Variants in BRWD1 observed in about 807,000 individuals in gnomAD.
The protein encoded by BRWD1 is bromodomain and WD repeat domain containing 1.
A neutral mutation model predicts 251.2 loss-of-function variants in BRWD1; 82 were observed. The observed-to-expected ratio is 0.33, with a 90% CI of 0.27 to 0.39. BRWD1 has a LOEUF of 0.39. Among genes scored for constraint, BRWD1 ranks in the 10% least tolerant of loss-of-function variants. BRWD1 has a pLI of 1.00. For synonymous variants in BRWD1, 918 were observed against 902.8 expected, an observed-to-expected ratio of 1.02 and a Z score of -0.30; for missense variants, 2,233 against 2,711.6, an observed-to-expected ratio of 0.82 and a Z score of 3.92.
In BRWD1 at chr21:39,199,216, G is replaced by A. The variant is rs769116321; in HGVS notation, c.5200C>T (p.His1734Tyr). The A allele has an allele frequency of 1.2e-6, 2 of 1,614,080 alleles. No individual in the cohort carries two copies. Among genetic ancestry groups the A allele is most frequent in the Non-Finnish European group, 1.7e-6 (2 of 1,179,998 alleles). ...SDLRVARKNW[H>Y]ANGYKSHTPA... The stretch of plus-strand genomic sequence containing the variant: ...GTATGGGACTTGTAACCATTAGCAT[G>A]CCAATTTTTCCGGGCTACCCGCAAA... The change falls in exon 40 of 41, where the codon CAT (histidine) becomes TAT (tyrosine). Residue 1734 changes from histidine (H) to tyrosine (Y), a missense_variant. His to Tyr is a moderately conservative substitution (Grantham distance 83, BLOSUM62 2). Transcript: ENST00000342449.
intron 37 of BRWD1, among the ~76,000 whole-genome samples, chr21:39,203,491 C>T (rs1165506059): frequency 1.4e-5 from 2 of 140,894 alleles, no homozygotes; most frequent in African/African-American, 5.3e-5. Flanking sequence ...ACTGCAAGCT[C>T]CGCCTCCCGA....
At chr21:39,247,547 A>T (rs1393878232) in intron 21 of BRWD1, among the ~76,000 whole-genome samples, 154 bp downstream of exon 21, 1 of 152,268 alleles carries the variant, frequency 6.6e-6, no homozygotes, top group Non-Finnish European at 1.5e-5. Flanking sequence ...TTAGCCATTA[A>T]AAGTTTTTGT....
chr21:39,261,470 C>T (rs2034743703), intron 17 of BRWD1, among the ~76,000 whole-genome samples: 1 of 152,088 alleles, frequency 6.6e-6, no homozygotes. Context: ...ATAATAACTC[C>T]TACTATTTTG....
chr21:39,247,681 T>C lies in BRWD1; in HGVS notation c.2481+20A>G, dbSNP rs762069064. The C allele has an allele frequency of 1.9e-6, 3 of 1,588,350 alleles. No homozygotes were observed. The highest frequency in any genetic ancestry group is 2.3e-5 in the South Asian group (2 of 85,888). On this transcript the variant is annotated intron_variant, in intron 21 of 40. Coordinates refer to ENST00000342449, the MANE Select transcript of BRWD1 (RefSeq NM_033656.4). Reference sequence around the variant, plus strand: ...ATTCATTTAAGATTATCTTATAACATTTTAAAGTTTTCCACTCACATGTCT... The same window carrying C: ...ATTCATTTAAGATTATCTTATAACACTTTAAAGTTTTCCACTCACATGTCT...
intron 15 of BRWD1, among the ~76,000 whole-genome samples, chr21:39,265,768 T>C (rs2034899742): frequency 6.6e-6 from 1 of 152,234 alleles, no homozygotes; most frequent in African/African-American, 2.4e-5. Flanking sequence ...AGCTCATTAC[T>C]AAGATGACTA....
At chr21:39,313,408 C>A (rs1344102468) in intron 1 of BRWD1, 35 bp downstream of exon 1, 2 of 1,452,132 alleles carry the variant, frequency 1.4e-6, no homozygotes, top group Admixed American at 2.6e-5. Flanking sequence ...CAGCCGGGAG[C>A]GCCAGGGCGG....
intron 8 of BRWD1, among the ~76,000 whole-genome samples, chr21:39,286,208 T>C (rs1318035911): frequency 6.6e-6 from 1 of 151,872 alleles, no homozygotes; most frequent in African/African-American, 2.4e-5. Context: ...TTAGTAGAGA[T>C]GGGGTTTCAC....
chr21:39,292,149 C>T (rs1483509755), intron 8 of BRWD1, among the ~76,000 whole-genome samples: 1 of 140,712 alleles, frequency 7.1e-6, no homozygotes, highest in African/African-American at 2.6e-5. Context: ...GGGGGTCTCA[C>T]TAAGTTGCCC....
At chr21:39,289,107 T>A (rs1173102652) in intron 8 of BRWD1, among the ~76,000 whole-genome samples, 1 of 152,248 alleles carries the variant, frequency 6.6e-6, no homozygotes, top group Non-Finnish European at 1.5e-5. Context: ...AATATAATTA[T>A]GTTTACATTG....
At chr21:39,314,181 C>G (rs2036637568), upstream of BRWD1, 1 of 455,876 alleles carries the variant, frequency 2.2e-6, no homozygotes. Flanking sequence ...GATTGGCTCG[C>G]CGCGCCTCCC....
At chr21:39,301,893 GA>G (rs1555877780) in intron 4 of BRWD1, among the ~76,000 whole-genome samples, 2,569 of 56,728 alleles carry the variant, frequency 0.045, 58 homozygotes, top group African/African-American at 0.087. Context: ...TTACTGTGCC[GA>G]AAAAAAAAAA....
chr21:39,238,437 T>G (rs779953160), intron 22 of BRWD1, 42 bp downstream of exon 22: 2 of 1,493,146 alleles, frequency 1.3e-6, no homozygotes, highest in Non-Finnish European at 1.9e-6. Context: ...TCCAAGACTA[T>G]GACTAAAATG....
At chr21:39,318,897 A>C (rs906278482) in intron 1 of BRWD1, among the ~76,000 whole-genome samples, 1 of 152,134 alleles carries the variant, frequency 6.6e-6, no homozygotes, top group Non-Finnish European at 1.5e-5. Flanking sequence ...CTGTTGGATA[A>C]ATTCCCTAGG....
intron 25 of BRWD1, among the ~76,000 whole-genome samples, chr21:39,231,953 T>A (rs899687563): frequency 1.3e-5 from 2 of 152,188 alleles, no homozygotes; most frequent in African/African-American, 4.8e-5. Context: ...AACTCTAGGT[T>A]GTTGCATTTA....
Position 39,231,451 on chromosome 21 carries a change from T to C in BRWD1, c.3000+726A>G, listed in dbSNP as rs145178288. ...TGTGAATGCACCATGATTTGGTTCA[T>C]TCACTATTGTGGAATATCTGAATTT... On this transcript the variant is annotated intron_variant, in intron 25 of 40. Transcript: ENST00000342449. Among the ~76,000 whole-genome samples, 12 of 152,358 alleles carry C rather than the reference T, an allele frequency of 7.9e-5. 1 individual carries two copies. Among genetic ancestry groups the C allele is most frequent in the African/African-American group, 2.9e-4 (12 of 41,594 alleles).
chr21:39,287,768 T>C (rs1407535026), intron 8 of BRWD1, among the ~76,000 whole-genome samples: 1 of 152,050 alleles, frequency 6.6e-6, no homozygotes, highest in African/African-American at 2.4e-5. Flanking sequence ...CTTCATAATT[T>C]CTTTCTTCTT....
At chr21:39,289,234 C>T (rs1158439446) in intron 8 of BRWD1, among the ~76,000 whole-genome samples, 2 of 152,160 alleles carry the variant, frequency 1.3e-5, no homozygotes, top group African/African-American at 4.8e-5. Context: ...CAATCTCTTG[C>T]TATACTTTTG....
intron 8 of BRWD1, among the ~76,000 whole-genome samples, chr21:39,288,628 A>G (rs773547445): frequency 3.9e-5 from 6 of 152,210 alleles, no homozygotes; most frequent in Non-Finnish European, 8.8e-5. Flanking sequence ...AAACTTAACT[A>G]TTGATAAAGC....
intron 21 of BRWD1, among the ~76,000 whole-genome samples, chr21:39,245,189 A>T (rs1003969570): frequency 6.6e-6 from 1 of 152,014 alleles, no homozygotes; most frequent in African/African-American, 2.4e-5. Context: ...GGCTACAGTG[A>T]GCCATGACTG....
Sources: allele counts gnomAD v4.1 joint callset (sites outside exome capture counted in the v4.1 genomes callset), GRCh38; gene constraint gnomAD v4.1.1; transcripts MANE v1.5; gene names NCBI Gene and HGNC (gene_info 2026-07-23, HGNC 2026-07-21).